ME3: variants seen among roughly 807,000 people sequenced by gnomAD.
ME3 encodes NADP-dependent malic enzyme, mitochondrial.
A neutral mutation model predicts 68.9 loss-of-function variants in ME3; 48 were observed. The ratio of observed to expected loss-of-function variants is 0.70; its 90% CI spans 0.55 to 0.89. The LOEUF is 0.89. Among genes scored for constraint, ME3 ranks in the 40% least tolerant of loss-of-function variants. The pLI, the probability that ME3 is intolerant of heterozygous loss-of-function variation, is 0.00. For synonymous variants in ME3, 320 were observed against 318.8 expected (o/e 1.00, Z -0.04); for missense variants, 675 against 797.4 (o/e 0.85, Z 1.85).
intron 2 of ME3, among the ~76,000 whole-genome samples, chr11:86,603,229 A>T (rs1436304490): frequency 6.6e-6 from 1 of 151,832 alleles, no homozygotes; most frequent in African/African-American, 2.4e-5. Flanking sequence ...CAGAATCTAC[A>T]ATGAACTCAA....
intron 4 of ME3, among the ~76,000 whole-genome samples, chr11:86,516,699 A>G (rs1013111227): frequency 2.6e-5 from 4 of 152,168 alleles, no homozygotes; most frequent in Non-Finnish European, 5.9e-5. Flanking sequence ...CCTAATATCT[A>G]TATCTAAAAT....
At chr11:86,583,813 G>C (rs7117702) in intron 2 of ME3, among the ~76,000 whole-genome samples, 73,460 of 151,962 alleles carry the variant, frequency 0.48, 19,245 homozygotes, top group East Asian at 0.71. Context: ...ATCTTATATT[G>C]AAAAATGGAT....
At chr11:86,446,977 G>A in intron 12 of ME3, 88 bp downstream of exon 12, 2 of 1,481,236 alleles carry the variant, frequency 1.4e-6, no homozygotes, top group Non-Finnish European at 1.8e-6. Context: ...CATCAGCGAT[G>A]TAGGAGTATT....
intron 2 of ME3, among the ~76,000 whole-genome samples, chr11:86,589,299 C>T (rs1471617947): frequency 1.3e-5 from 2 of 151,812 alleles, no homozygotes; most frequent in East Asian, 3.9e-4. Flanking sequence ...TTTATTTTTA[C>T]CTTAGTGCCT....
chr11:86,435,877 G>A, the ME3 span: 2 of 152,256 alleles, frequency 1.3e-5, 1 homozygote, highest in South Asian at 4.1e-4. Context: ...ACCAGTCATT[G>A]CCTGTAGGCT....
At chr11:86,534,755 A>G (rs573685287) in intron 4 of ME3, among the ~76,000 whole-genome samples, 99 of 152,290 alleles carry the variant, frequency 6.5e-4, no homozygotes, top group African/African-American at 2.4e-3. Flanking sequence ...GTTTCCTTAT[A>G]TCCCTATTCC....
At chr11:86,550,439 C>G (rs1956608164) in intron 4 of ME3, among the ~76,000 whole-genome samples, 1 of 152,174 alleles carries the variant, frequency 6.6e-6, no homozygotes, top group Admixed American at 6.5e-5. Flanking sequence ...CTCCTGACTC[C>G]TAATCCAGTG....
intron 4 of ME3, among the ~76,000 whole-genome samples, chr11:86,543,989 G>A (rs1956212839): frequency 6.7e-6 from 1 of 148,228 alleles, no homozygotes; most frequent in African/African-American, 2.5e-5. Context: ...TCAGAACTCA[G>A]GATTAAGAAG....
intron 7 of ME3, among the ~76,000 whole-genome samples, chr11:86,486,218 C>A (rs185172157): frequency 3.3e-5 from 5 of 152,292 alleles, no homozygotes; most frequent in East Asian, 1.9e-4. Flanking sequence ...TACTCAAGGA[C>A]TTTTTCCCCC....
chr11:86,598,500 T>C (rs1959960738), intron 2 of ME3, among the ~76,000 whole-genome samples: 1 of 152,224 alleles, frequency 6.6e-6, no homozygotes, highest in African/African-American at 2.4e-5. Flanking sequence ...CCTGCCTCTG[T>C]AGACTCCACC....
At chr11:86,654,219 T>A (rs909238300) in intron 2 of ME3, among the ~76,000 whole-genome samples, 14 of 151,986 alleles carry the variant, frequency 9.2e-5, no homozygotes, top group African/African-American at 2.9e-4. Flanking sequence ...CAATAGAAAA[T>A]GAGGGAATCC....
intron 2 of ME3, among the ~76,000 whole-genome samples, chr11:86,650,147 A>G (rs1408126363): frequency 6.6e-6 from 1 of 152,222 alleles, no homozygotes; most frequent in African/African-American, 2.4e-5. Context: ...CCTCAGAAAT[A>G]ATACCACATA....
intron 2 of ME3, among the ~76,000 whole-genome samples, chr11:86,632,912 C>T (rs1456037893): frequency 6.6e-6 from 1 of 152,198 alleles, no homozygotes; most frequent in Non-Finnish European, 1.5e-5. Flanking sequence ...CTTTCAGAAT[C>T]CACATCCTTC....
chr11:86,468,019 AT>A (rs1162685682), intron 7 of ME3, among the ~76,000 whole-genome samples: 2 of 152,086 alleles, frequency 1.3e-5, no homozygotes, highest in Non-Finnish European at 2.9e-5. Flanking sequence ...TTGGGTAACC[AT>A]CCCCTGGCTG....
At chr11:86,494,066 G>C (rs866147631) in intron 6 of ME3, among the ~76,000 whole-genome samples, 2 of 129,226 alleles carry the variant, frequency 1.5e-5, no homozygotes. Flanking sequence ...AAAAAAAAAG[G>C]AACTGTAGTT....
chr11:86,500,810 T>C (rs932867098), intron 5 of ME3, among the ~76,000 whole-genome samples: 2 of 152,136 alleles, frequency 1.3e-5, no homozygotes, highest in African/African-American at 4.8e-5. Flanking sequence ...CTTCTCCCCA[T>C]TCGTCAGCAG....
At chr11:86,557,820 G>T (rs1376608975) in intron 3 of ME3, among the ~76,000 whole-genome samples, 2 of 152,116 alleles carry the variant, frequency 1.3e-5, no homozygotes, top group Non-Finnish European at 2.9e-5. Flanking sequence ...TGTCAAACTG[G>T]TAACCTGAAA....
At chr11:86,543,958 T>C (rs1956211649) in intron 4 of ME3, among the ~76,000 whole-genome samples, 1 of 148,766 alleles carries the variant, frequency 6.7e-6, no homozygotes, top group Non-Finnish European at 1.5e-5. Flanking sequence ...AAACAGTCTC[T>C]CAGACCACAG....
intron 8 of ME3, chr11:86,462,425 G>T: frequency 2.8e-6 from 1 of 356,646 alleles, no homozygotes; most frequent in Non-Finnish European, 3.9e-6. Flanking sequence ...TTCTGGAGAG[G>T]CAAAAGTTAT....
Sources: gnomAD v4.1 joint callset for allele counts (sites outside exome capture counted in the v4.1 genomes callset) on GRCh38, gnomAD v4.1.1 for gene constraint, MANE v1.5 for transcripts, NCBI Gene and HGNC (gene_info 2026-07-23, HGNC 2026-07-21) for gene names.